The following USP37 variants were observed in gnomAD, a reference collection of about 807,000 sequenced individuals.
USP37 encodes the protein ubiquitin carboxyl-terminal hydrolase 37.
USP37 carries 27 observed loss-of-function variants against 124.0 expected under a neutral mutation model. That is an observed-to-expected ratio of 0.22 (90% CI 0.16 to 0.30). The LOEUF is 0.30. Among genes scored for constraint, USP37 ranks in the 10% least tolerant of loss-of-function variants. USP37 has a pLI of 1.00. For missense variants in USP37, 889 were observed against 1,140.4 expected (o/e 0.78, Z 3.17); for synonymous variants, 365 against 388.0 (o/e 0.94, Z 0.70).
At chr2:218,538,408 C>G (rs1691777808) in intron 8 of USP37, among the ~76,000 whole-genome samples, 1 of 152,158 alleles carries the variant, frequency 6.6e-6, no homozygotes, top group Admixed American at 6.5e-5. Flanking sequence ...GGCATATGGA[C>G]AGACTTATGG....
chr2:218,484,597 G>A (rs1691446285), intron 16 of USP37, among the ~76,000 whole-genome samples: 1 of 151,520 alleles, frequency 6.6e-6, no homozygotes, highest in South Asian at 2.1e-4. Context: ...ACTCTAGCCT[G>A]GGGGACAGAG....
At chr2:218,455,797 C>T in intron 24 of USP37, 79 bp from the exon 25 acceptor site, 1 of 1,485,146 alleles carries the variant, frequency 6.7e-7, no homozygotes, top group Non-Finnish European at 9.1e-7. Flanking sequence ...CCTGTAATCT[C>T]AGCACTTTGG....
At chr2:218,466,383 G>A (rs1457239592) in intron 20 of USP37, among the ~76,000 whole-genome samples, 1 of 152,056 alleles carries the variant, frequency 6.6e-6, no homozygotes, top group Admixed American at 6.6e-5. Flanking sequence ...TTTTGTTGGG[G>A]TGAGGGGAGA....
At chr2:218,544,406 A>AAAATAT (rs1312705279) in intron 8 of USP37, among the ~76,000 whole-genome samples, 3 of 82,974 alleles carry the variant, frequency 3.6e-5, no homozygotes, top group African/African-American at 6.9e-5. Context: ...AAAAAAAAAA[A>AAAATAT]ATATATATAT....
At chr2:218,472,756 G>A (rs775127026) in intron 20 of USP37, among the ~76,000 whole-genome samples, 21 of 151,922 alleles carry the variant, frequency 1.4e-4, no homozygotes, top group Non-Finnish European at 2.2e-4. Flanking sequence ...ATGAGCCACC[G>A]TACCCAGCCC....
intron 23 of USP37, among the ~76,000 whole-genome samples, chr2:218,457,778 T>A (rs1689770605): frequency 6.6e-6 from 1 of 152,094 alleles, no homozygotes; most frequent in Non-Finnish European, 1.5e-5. Context: ...CCAGGCGTGG[T>A]GGCTCACGCC....
intron 11 of USP37, among the ~76,000 whole-genome samples, chr2:218,506,835 C>T (rs1014898471): frequency 6.6e-6 from 1 of 151,482 alleles, no homozygotes; most frequent in Non-Finnish European, 1.5e-5. Context: ...TTTGCTCTGT[C>T]GCCCAGGCTG....
intron 10 of USP37, among the ~76,000 whole-genome samples, chr2:218,523,136 G>A (rs759593771): frequency 3.3e-5 from 5 of 152,052 alleles, no homozygotes; most frequent in Admixed American, 6.6e-5. Context: ...ATTAGCAGGC[G>A]CCTATAATCC....
At chr2:218,492,883 T>G (rs1688869916) in intron 14 of USP37, among the ~76,000 whole-genome samples, 1 of 152,146 alleles carries the variant, frequency 6.6e-6, no homozygotes, top group African/African-American at 2.4e-5. Context: ...CATGTGCTCG[T>G]AGTCCTGGCT....
intron 13 of USP37, 49 bp downstream of exon 13, chr2:218,497,685 G>T: frequency 1.2e-6 from 2 of 1,605,902 alleles, no homozygotes; most frequent in South Asian, 2.2e-5. Context: ...TTACAGACGT[G>T]AGCCACCGTG....
intron 10 of USP37, chr2:218,528,693 C>T: frequency 2.3e-6 from 1 of 430,954 alleles, no homozygotes; most frequent in Non-Finnish European, 4.1e-6. Context: ...TTTGCCATTA[C>T]CCTCACTTTT....
At chr2:218,456,770 G>C (rs780686640) in intron 24 of USP37, among the ~76,000 whole-genome samples, 19 of 152,106 alleles carry the variant, frequency 1.2e-4, no homozygotes, top group Non-Finnish European at 2.5e-4. Flanking sequence ...AGGAGTTCAA[G>C]ACCAGCCTGG....
At chr2:218,533,871 TG>T (rs1267039695) in intron 9 of USP37, among the ~76,000 whole-genome samples, 1 of 152,192 alleles carries the variant, frequency 6.6e-6, no homozygotes, top group Non-Finnish European at 1.5e-5. Context: ...ACGTTAAGTG[TG>T]GGAAACATCT....
At chr2:218,520,588 G>A (rs1394889287) in intron 10 of USP37, among the ~76,000 whole-genome samples, 2 of 151,212 alleles carry the variant, frequency 1.3e-5, no homozygotes, top group South Asian at 4.2e-4. Flanking sequence ...CCGACCTCGG[G>A]TGATCGGCCC....
chr2:218,511,356 T>C (rs1201711130), intron 10 of USP37, among the ~76,000 whole-genome samples: 1 of 152,178 alleles, frequency 6.6e-6, no homozygotes, highest in Non-Finnish European at 1.5e-5. Flanking sequence ...TTGCCCAAGC[T>C]GGTGTGCAAT....
chr2:218,465,880 A>G (rs950541017), intron 21 of USP37, 130 bp downstream of exon 21: 12 of 1,212,234 alleles, frequency 9.9e-6, no homozygotes, highest in Non-Finnish European at 1.0e-5. Flanking sequence ...TTTTTCCCCA[A>G]TGACTTACTC....
At chr2:218,517,957 C>T (rs1333009776) in intron 10 of USP37, among the ~76,000 whole-genome samples, 2 of 151,830 alleles carry the variant, frequency 1.3e-5, no homozygotes, top group South Asian at 2.1e-4. Context: ...TTACTATTCC[C>T]CCCACCCCTT....
intron 18 of USP37, 44 bp downstream of exon 18, chr2:218,479,606 A>G: frequency 1.3e-6 from 2 of 1,567,386 alleles, no homozygotes; most frequent in Non-Finnish European, 1.8e-6. Flanking sequence ...GGGTAAGCCA[A>G]AACCTTAAAC....
chr2:218,544,406 A>AATATATATATATAT (rs1198499526), intron 8 of USP37, among the ~76,000 whole-genome samples: 2 of 82,994 alleles, frequency 2.4e-5, no homozygotes, highest in African/African-American at 1.4e-4. Flanking sequence ...AAAAAAAAAA[A>AATATATATATATAT]ATATATATAT....
Sources: gnomAD v4.1 joint callset for allele counts (sites outside exome capture counted in the v4.1 genomes callset) on GRCh38, gnomAD v4.1.1 for gene constraint, MANE v1.5 for transcripts, NCBI Gene and HGNC (gene_info 2026-07-23, HGNC 2026-07-21) for gene names.